SIKE1: variants seen among roughly 807,000 people sequenced by gnomAD.
SIKE1 encodes the protein suppressor of IKK epsilon.
In SIKE1, 13 loss-of-function variants were observed where a neutral mutation model predicts 25.8. The ratio of observed to expected loss-of-function variants is 0.50; its 90% CI spans 0.33 to 0.80. The LOEUF is 0.80. Among genes scored for constraint, SIKE1 ranks in the 30% least tolerant of loss-of-function variants. The pLI, the probability that SIKE1 is intolerant of heterozygous loss-of-function variation, is 0.02. For missense variants in SIKE1, 222 were observed against 252.4 expected (o/e 0.88, Z 0.82); for synonymous variants, 86 against 95.5 (o/e 0.90, Z 0.58).
chr1:114,779,510 CAT>C (rs1387219095), intron 2 of SIKE1, among the ~76,000 whole-genome samples: 8 of 152,320 alleles, frequency 5.3e-5, no homozygotes, highest in Non-Finnish European at 5.9e-5. Flanking sequence ...CATCAGAAGA[CAT>C]GTGTTTGAGT....
intron 4 of SIKE1, among the ~76,000 whole-genome samples, chr1:114,774,830 A>T (rs939159625): frequency 3.3e-5 from 5 of 152,210 alleles, no homozygotes; most frequent in African/African-American, 1.2e-4. Context: ...CTTATTGAGC[A>T]TGTAGCTGGG....
chr1:114,779,416 G>C, intron 2 of SIKE1, 132 bp from the exon 3 acceptor site: 1 of 925,144 alleles, frequency 1.1e-6, no homozygotes, highest in Non-Finnish European at 1.6e-6. Context: ...GTTTAAGTCC[G>C]CAAAACTGAA....
Position 114,780,491 on chromosome 1 carries a change from C to T in SIKE1, c.117G>A (p.Arg39=), listed in dbSNP as rs370772670. ...TCCCCGCCTCCCGCATAGCTGCTAC[C>T]CGCCGGTGCAGCGCCGCCGACTGAT... ...LVDQSAALHR[R]VAAMREAGTA... The change falls in exon 1 of 5, where the codon CGG becomes CGA. Residue 39 remains arginine (R), a synonymous_variant. Transcript: ENST00000060969. The T allele has an allele frequency of 6.8e-6, 11 of 1,613,378 alleles. No individual in the cohort carries two copies. Among genetic ancestry groups the T allele is most frequent in the Non-Finnish European group, 9.3e-6 (11 of 1,180,038 alleles).
intron 4 of SIKE1, 50 bp downstream of exon 4, chr1:114,776,296 G>A (rs1662236279): frequency 9.0e-7 from 1 of 1,112,964 alleles, no homozygotes; most frequent in Non-Finnish European, 1.4e-6. Flanking sequence ...ATATCTTCCA[G>A]ACTCGGAAAA....
chr1:114,777,355 T>C (rs188806743), intron 3 of SIKE1, among the ~76,000 whole-genome samples: 3 of 152,224 alleles, frequency 2.0e-5, no homozygotes, highest in Non-Finnish European at 2.9e-5. Flanking sequence ...ATATAATGTT[T>C]CTTATATTTA....
rs760359840 is a variant in SIKE1, at chr1:114,780,176, A to G, written c.199T>C (p.Tyr67His). 4 of 1,614,004 alleles carry G rather than the reference A, an allele frequency of 2.5e-6. No homozygotes were observed. The highest frequency in any genetic ancestry group is 3.4e-6 in the Non-Finnish European group (4 of 1,179,952). ...TGGGACAGCAGAATGTGAGGTTTGT[A>G]TTTGGACATGTCCTTCATATCGGAT... ...DASDMKDMSK[Y>H]KPHILLSQEN... is the part of the protein sequence containing the mutation. Residue 67 changes from tyrosine to histidine, a missense_variant, in exon 2 of 5, where the codon TAC becomes CAC. Tyr to His is a moderately conservative substitution (Grantham distance 83, BLOSUM62 2). Transcript: ENST00000060969.
At position 114,780,091 on chromosome 1, in the gene SIKE1, A is replaced by G. The variant is rs778357709; in HGVS notation, c.265+19T>C. 1.9e-6 allele frequency: 3 copies of G among 1,559,508 alleles called. No homozygotes were observed. In the East Asian group the frequency reaches 7.2e-5, roughly 37 times the overall value. Reference sequence around the variant, plus strand: ...CAATAACTTTAAACTATTACCAGATATGAAAAGGCCTGACTAACCTCTGTT... The same window carrying G: ...CAATAACTTTAAACTATTACCAGATGTGAAAAGGCCTGACTAACCTCTGTT... On this transcript the variant is annotated intron_variant, in intron 2 of 4. Transcript: ENST00000060969.
At chr1:114,775,783 T>C (rs1048315829) in intron 4 of SIKE1, among the ~76,000 whole-genome samples, 3 of 152,144 alleles carry the variant, frequency 2.0e-5, no homozygotes, top group African/African-American at 7.2e-5. Flanking sequence ...GAAATGTTTT[T>C]CCTTAACAAT....
At chr1:114,780,375 T>C (rs994048483) in intron 1 of SIKE1, 74 bp downstream of exon 1, 5 of 1,608,210 alleles carry the variant, frequency 3.1e-6, no homozygotes, top group Non-Finnish European at 4.2e-6. Context: ...CCAGGCCGAG[T>C]TCCCACTTTA....
Position 114,780,516 on chromosome 1 carries a change from T to C in SIKE1, c.92A>G (p.Asp31Gly). The C allele has an allele frequency of 6.2e-7, 1 of 1,613,588 alleles. No individual in the cohort carries two copies. ...CCGCCGGTGCAGCGCCGCCGACTGA[T>C]CCACCAGCGACTCGGCGGCCGCATC... Reference protein sequence around the residue: ...EHDAAAESLVDQSAALHRRVA... With the variant: ...EHDAAAESLVGQSAALHRRVA... The change falls in exon 1 of 5, where the codon GAT (aspartate) becomes GGT (glycine). Residue 31 changes from aspartate to glycine, a missense_variant. By Grantham distance (94) the Asp-to-Gly change is moderately conservative. Transcript: ENST00000060969.
chr1:114,780,365 C>T, intron 1 of SIKE1, 84 bp downstream of exon 1: 2 of 1,607,712 alleles, frequency 1.2e-6, no homozygotes, highest in African/African-American at 1.3e-5. Context: ...GGAATAAATT[C>T]CAGGCCGAGT....
chr1:114,776,977 C>T (rs1662260853), intron 3 of SIKE1, among the ~76,000 whole-genome samples: 1 of 152,186 alleles, frequency 6.6e-6, no homozygotes, highest in South Asian at 2.1e-4. Context: ...TGGAAACCAT[C>T]ATTCTGAGCA....
rs2101124572 is a variant in SIKE1, at chr1:114,772,173, T to C, written c.*2098A>G. On this transcript the variant is annotated 3_prime_UTR_variant, in exon 5 of 5. Transcript: ENST00000060969. Reference sequence around the variant, plus strand: ...AGGACCACTTGACAAGGTTGCTATATATATGTAAAAAAACCCTCTGCACTT... The same window carrying C: ...AGGACCACTTGACAAGGTTGCTATACATATGTAAAAAAACCCTCTGCACTT... 6.6e-6 allele frequency: 1 copy of C among 152,326 alleles called. No individual in the cohort carries two copies. Among genetic ancestry groups the C allele is most frequent in the East Asian group, 1.9e-4 (1 of 5,194 alleles). 9.4% of individuals were successfully genotyped at this position (152,326 alleles called of 1,614,324 possible).
At chr1:114,776,855 T>C (rs1443641637) in intron 3 of SIKE1, among the ~76,000 whole-genome samples, 1 of 152,188 alleles carries the variant, frequency 6.6e-6, no homozygotes, top group Non-Finnish European at 1.5e-5. Flanking sequence ...CCAACCCAAA[T>C]GTCCATCAAT....
Position 114,772,822 on chromosome 1 carries a change from A to G in SIKE1, c.*1449T>C, listed in dbSNP as rs1171737212. ...GCAGGATATCAAACAGAAATTTGAA[A>G]AATTCTTAAATGACATATACCTATT... On this transcript the variant is annotated 3_prime_UTR_variant, in exon 5 of 5. Transcript: ENST00000060969. The G allele has an allele frequency of 9.9e-5, 15 of 152,206 alleles. No individual in the cohort carries two copies. Among genetic ancestry groups the G allele is most frequent in the Non-Finnish European group, 1.9e-4 (13 of 68,032 alleles). The allele number at this position is 152,206 out of a possible 1,614,324, so 9.4% of individuals were successfully genotyped here.
chr1:114,780,424 A>G, intron 1 of SIKE1, 25 bp downstream of exon 1: 1 of 1,609,812 alleles, frequency 6.2e-7, no homozygotes, highest in Non-Finnish European at 8.5e-7. Flanking sequence ...ATCCGAGAGC[A>G]CTGGACTCCT....
chr1:114,774,248 T>C lies in SIKE1; in HGVS notation c.*23A>G. Reference sequence around the variant, plus strand: ...TAACTTCCTTCCTTGATAGACAATCTCCAGCCATCATTCAGAGTTCAGTTA... The same window carrying C: ...TAACTTCCTTCCTTGATAGACAATCCCCAGCCATCATTCAGAGTTCAGTTA... On this transcript the variant is annotated 3_prime_UTR_variant, in exon 5 of 5. Transcript: ENST00000060969. 1 of 1,555,872 alleles carries C rather than the reference T, an allele frequency of 6.4e-7. No homozygotes were observed. Among genetic ancestry groups the C allele is most frequent in the Non-Finnish European group, 8.9e-7 (1 of 1,129,560 alleles).
Position 114,779,051 on chromosome 1 carries a change from C to G in SIKE1, c.408+91G>C, listed in dbSNP as rs1662330250. 2.0e-6 allele frequency: 3 copies of G among 1,496,880 alleles called. No homozygotes were observed. In the African/African-American group the frequency reaches 4.1e-5, roughly 21 times the overall value. The allele number at this position is 1,496,880 out of a possible 1,614,324, so 92.7% of individuals were successfully genotyped here. On this transcript the variant is annotated intron_variant, in intron 3 of 4. Transcript: ENST00000060969. ...CGGCCTGGTCGACAAGAGCCAGACCCTATCTCACAAAGCAAAAAAACAAGC... is the reference window on the plus strand; with the variant it reads ...CGGCCTGGTCGACAAGAGCCAGACCGTATCTCACAAAGCAAAAAAACAAGC...
rs1460264936 is a variant in SIKE1 at position 114,773,602 on chromosome 1, A to G, written c.*669T>C. ...CAGGACAAGCTCCTCAGCTTTGAAC[A>G]ATATGAACTTTGGACAATATGACAA... is the stretch of plus-strand genomic sequence containing the variant. On this transcript the variant is annotated 3_prime_UTR_variant, in exon 5 of 5. Transcript: ENST00000060969. The G allele has an allele frequency of 6.6e-6, 1 of 152,668 alleles. No homozygotes were observed. Among genetic ancestry groups the G allele is most frequent in the East Asian group, 1.9e-4 (1 of 5,204 alleles). 9.5% of individuals were successfully genotyped at this position (152,668 alleles called of 1,614,324 possible). A position where few individuals can be genotyped will look rare whatever the true frequency, so the allele number is the denominator to read the frequency against.
Sources: allele counts gnomAD v4.1 joint callset (sites outside exome capture counted in the v4.1 genomes callset), GRCh38; gene constraint gnomAD v4.1.1; transcripts MANE v1.5; gene names NCBI Gene and HGNC (gene_info 2026-07-23, HGNC 2026-07-21).